RBL1: variants seen among roughly 807,000 people sequenced by gnomAD.
RBL1 encodes RB transcriptional corepressor like 1.
A neutral mutation model predicts 123.0 loss-of-function variants in RBL1; 82 were observed. The ratio of observed to expected loss-of-function variants is 0.67; its 90% CI spans 0.56 to 0.80. The LOEUF (loss-of-function observed/expected upper bound fraction) is 0.80. RBL1 is among the 30% of genes least tolerant of loss of function. The pLI is 0.00. For synonymous variants in RBL1, 405 were observed against 441.3 expected (o/e 0.92, Z 1.03); for missense variants, 1,171 against 1,299.6 (o/e 0.90, Z 1.52).
At chr20:37,053,618 C>T (rs1346284727) in intron 11 of RBL1, among the ~76,000 whole-genome samples, 1 of 151,980 alleles carries the variant, frequency 6.6e-6, no homozygotes, top group Non-Finnish European at 1.5e-5. Context: ...AGTGTTTTGT[C>T]TTTATTTAGA....
At chr20:37,088,184 G>A (rs2065581525) in intron 2 of RBL1, among the ~76,000 whole-genome samples, 2 of 151,082 alleles carry the variant, frequency 1.3e-5, no homozygotes, top group African/African-American at 4.9e-5. Context: ...AGAATCGCTT[G>A]AACCCAGGAG....
At chr20:37,005,323 C>G (rs2064053020) in intron 20 of RBL1, among the ~76,000 whole-genome samples, 1 of 151,442 alleles carries the variant, frequency 6.6e-6, no homozygotes, top group East Asian at 1.9e-4. Context: ...ACAGAATTGC[C>G]TGAACCCAGG....
At chr20:37,064,419 A>T (rs550104707) in intron 7 of RBL1, among the ~76,000 whole-genome samples, 11 of 151,948 alleles carry the variant, frequency 7.2e-5, no homozygotes, top group Non-Finnish European at 1.5e-4. Flanking sequence ...TATAGGCATA[A>T]GCCATTGCAC....
At chr20:36,998,973 G>A (rs1179696432) in intron 21 of RBL1, 44 bp from the exon 22 acceptor site, 3 of 1,549,338 alleles carry the variant, frequency 1.9e-6, no homozygotes, top group East Asian at 2.3e-5. Flanking sequence ...GAGGGAGAGG[G>A]GAAATGGCAG....
chr20:37,038,288 G>A (rs1256459836), intron 14 of RBL1, among the ~76,000 whole-genome samples: 3 of 149,138 alleles, frequency 2.0e-5, no homozygotes, highest in Non-Finnish European at 3.0e-5. Context: ...CACTGTGCCT[G>A]ACCTTATGCA....
chr20:37,056,279 C>A, intron 9 of RBL1, 21 bp from the exon 10 acceptor site: 7 of 1,557,010 alleles, frequency 4.5e-6, no homozygotes, highest in South Asian at 1.2e-5. Flanking sequence ...CAAGAGGAAC[C>A]AATTACCAAA....
In RBL1 at chr20:37,062,101, G is replaced by GA. The variant is rs1365663297; in HGVS notation, c.1065dup (p.Gln356SerfsTer5). 1 of 1,613,214 alleles carries GA rather than the reference G, an allele frequency of 6.2e-7. No individual in the cohort carries two copies. Among genetic ancestry groups the GA allele is most frequent in the Non-Finnish European group, 8.5e-7 (1 of 1,179,710 alleles). On this transcript the variant is annotated frameshift_variant, in exon 8 of 22. Coordinates refer to ENST00000373664, the MANE Select transcript of RBL1 (RefSeq NM_002895.5). LOFTEE classifies it high-confidence loss of function. ...TATATTACTTTTTCAAAGTGCTGTTGAAGGTTATACTCCACATTAGCCTGT... is the reference window on the plus strand; with the variant it reads ...TATATTACTTTTTCAAAGTGCTGTTGAAAGGTTATACTCCACATTAGCCTGT...
In RBL1 at chr20:37,068,088, T is replaced by A. The variant is rs752623698; in HGVS notation, c.389A>T (p.Glu130Val). Residue 130 changes from glutamate (E) to valine (V), a missense_variant, in exon 3 of 22, where the codon GAG becomes GTG. By Grantham distance (121) the Glu-to-Val change is moderately radical (BLOSUM62 -2). Coordinates refer to ENST00000373664, the MANE Select transcript of RBL1 (RefSeq NM_002895.5). ...ERIERLERNF[E>V]VSTVIFKKYE... ...TTTTTTGAATATTACAGTAGACACC[T>A]CAAAATTTCTCTCTAGCCTTTCTAT... 1 of 1,613,698 alleles carries A rather than the reference T, an allele frequency of 6.2e-7. No individual in the cohort carries two copies.
Position 37,007,470 on chromosome 20 carries a change from ATATTG to A in RBL1, c.2807_2811del (p.Thr936IlefsTer33). 6.2e-7 allele frequency: 1 copy of A among 1,613,782 alleles called. No individual in the cohort carries two copies. The highest frequency in any genetic ancestry group is 8.5e-7 in the Non-Finnish European group (1 of 1,179,812). ...GCAAATGACTTCACTCTTCCTACAT[ATATTG>A]TATTGTAAAATTTTATAAGATCACC... On this transcript the variant is annotated frameshift_variant, in exon 20 of 22. Coordinates refer to ENST00000373664, the MANE Select transcript of RBL1 (RefSeq NM_002895.5). LOFTEE classifies it high-confidence loss of function.
At chr20:37,066,383 T>C (rs2065176254) in intron 6 of RBL1, among the ~76,000 whole-genome samples, 2 of 152,256 alleles carry the variant, frequency 1.3e-5, no homozygotes, top group African/African-American at 4.8e-5. Context: ...ATTCAAATTG[T>C]GGCAGTAAAT....
intron 1 of RBL1, among the ~76,000 whole-genome samples, chr20:37,091,358 CA>C (rs113756169): frequency 4.9e-5 from 7 of 141,976 alleles, no homozygotes; most frequent in Admixed American, 7.2e-5. Flanking sequence ...GACTCCATCT[CA>C]AAAAAAAAAA....
At chr20:37,009,517 C>T (rs1233427460) in intron 19 of RBL1, among the ~76,000 whole-genome samples, 5 of 152,026 alleles carry the variant, frequency 3.3e-5, no homozygotes, top group South Asian at 2.1e-4. Flanking sequence ...GCTGCCACAC[C>T]GAGCTAATTT....
At chr20:37,005,894 C>CTTTTTTTTTTTTTTTTTTTTTTTTTT (rs1013303071) in intron 20 of RBL1, among the ~76,000 whole-genome samples, 6 of 98,140 alleles carry the variant, frequency 6.1e-5, no homozygotes, top group Non-Finnish European at 9.3e-5. Context: ...TTTTTTCTTT[C>CTTTTTTTTTTTTTTTTTTTTTTTTTT]TTTTTTTTTT....
chr20:37,083,916 T>C (rs980998324), intron 2 of RBL1, among the ~76,000 whole-genome samples: 5 of 151,860 alleles, frequency 3.3e-5, no homozygotes, highest in African/African-American at 1.2e-4. Context: ...AATGGATTTT[T>C]TTTTTTTTTT....
chr20:37,042,898 C>T lies in RBL1; in HGVS notation c.1770+1188G>A, dbSNP rs560945918. Among the ~76,000 whole-genome samples, 128 of 115,168 alleles carry T rather than the reference C, an allele frequency of 1.1e-3. 2 individuals are homozygous for T. Among genetic ancestry groups the T allele is most frequent in the African/African-American group, 4.0e-3 (122 of 30,414 alleles). The allele number at this position is 115,168 out of a possible 152,430, so 75.6% of individuals were successfully genotyped here. On this transcript the variant is annotated intron_variant, in intron 13 of 21. Coordinates refer to ENST00000373664, the MANE Select transcript of RBL1 (RefSeq NM_002895.5). ...TGGGTGACAGAGTGAGATCTTGTCCCCCCCCCTCCAAAAAAAAAAAAAAAA... is the reference window on the plus strand; with the variant it reads ...TGGGTGACAGAGTGAGATCTTGTCCTCCCCCCTCCAAAAAAAAAAAAAAAA...
chr20:37,023,487 C>A (rs920874041), intron 16 of RBL1, among the ~76,000 whole-genome samples: 1 of 152,050 alleles, frequency 6.6e-6, no homozygotes, highest in Admixed American at 6.6e-5. Context: ...GGTAAAATTG[C>A]TAGGGGGTCT....
intron 19 of RBL1, among the ~76,000 whole-genome samples, chr20:37,013,044 G>A (rs1404333160): frequency 6.6e-6 from 1 of 152,174 alleles, no homozygotes; most frequent in Non-Finnish European, 1.5e-5. Context: ...CTACCGGGAA[G>A]TGAGGAGCCC....
intron 20 of RBL1, among the ~76,000 whole-genome samples, chr20:37,004,919 T>TA (rs1433208689): frequency 1.3e-5 from 2 of 151,662 alleles, no homozygotes; most frequent in Non-Finnish European, 2.9e-5. Context: ...GGCGTGCGCC[T>TA]ATAGTCCCTG....
chr20:37,044,287 A>G (rs762751350), intron 12 of RBL1, 37 bp from the exon 13 acceptor site: 24 of 1,605,978 alleles, frequency 1.5e-5, no homozygotes, highest in Admixed American at 1.3e-4. Context: ...TGTGGTTTCA[A>G]GCAGTTAGTT....
Sources: gnomAD v4.1 joint callset for allele counts (sites outside exome capture counted in the v4.1 genomes callset) on GRCh38, gnomAD v4.1.1 for gene constraint, MANE v1.5 for transcripts, NCBI Gene and HGNC (gene_info 2026-07-23, HGNC 2026-07-21) for gene names.